The following ADK variants were observed in gnomAD, a reference collection of about 807,000 sequenced individuals.
ADK encodes the protein N6,N6-dimethyladenosine kinase.
A neutral mutation model predicts 44.7 loss-of-function variants in ADK; 24 were observed. That is an observed-to-expected ratio of 0.54 (90% CI 0.39 to 0.76). The LOEUF is 0.76. Among genes scored for constraint, ADK ranks in the 30% least tolerant of loss-of-function variants. The probability of loss-of-function intolerance (pLI) is 0.00; values close to 1 mark genes in which losing one functional copy is unlikely to be tolerated. For synonymous variants in ADK, 128 were observed against 142.6 expected (o/e 0.90, Z 0.73); for missense variants, 321 against 425.1 (o/e 0.76, Z 2.15).
intron 3 of ADK, among the ~76,000 whole-genome samples, chr10:74,251,146 A>T (rs1053327100): frequency 2.6e-5 from 4 of 152,234 alleles, no homozygotes; most frequent in Non-Finnish European, 5.9e-5. Flanking sequence ...AAATGCTGGT[A>T]CTATTAACTT....
chr10:74,678,476 C>T (rs1297761217), intron 10 of ADK, among the ~76,000 whole-genome samples: 1 of 152,162 alleles, frequency 6.6e-6, no homozygotes, highest in African/African-American at 2.4e-5. Flanking sequence ...TTCTCATCAA[C>T]GCAAATGTTC....
intron 9 of ADK, among the ~76,000 whole-genome samples, chr10:74,602,565 T>TTCTTTATTAAA (rs1852180509): frequency 6.6e-6 from 1 of 152,218 alleles, no homozygotes; most frequent in African/African-American, 2.4e-5. Context: ...ACTCATTTTA[T>TTCTTTATTAAA]TCTTTATTAA....
intron 1 of ADK, among the ~76,000 whole-genome samples, chr10:74,154,992 T>A (rs148174728): frequency 2.3e-3 from 347 of 152,332 alleles, no homozygotes; most frequent in African/African-American, 7.8e-3. Context: ...CCCATATCAT[T>A]ACTCCATCTG....
At chr10:74,591,504 G>C (rs909485212) in intron 8 of ADK, among the ~76,000 whole-genome samples, 5 of 152,118 alleles carry the variant, frequency 3.3e-5, no homozygotes, top group Non-Finnish European at 4.4e-5. Context: ...TTAATCAAAT[G>C]TAATCCATGT....
At chr10:74,315,729 A>C (rs929022391) in intron 4 of ADK, among the ~76,000 whole-genome samples, 17 of 152,238 alleles carry the variant, frequency 1.1e-4, no homozygotes, top group Admixed American at 5.9e-4. Context: ...ATTTCTTTTC[A>C]AGTAACTCTT....
At chr10:74,245,542 G>A (rs988594520) in intron 3 of ADK, among the ~76,000 whole-genome samples, 3 of 150,726 alleles carry the variant, frequency 2.0e-5, no homozygotes, top group Admixed American at 1.3e-4. Context: ...GCCAAGTATT[G>A]ATATTAGTAT....
chr10:74,525,177 G>A, intron 6 of ADK, 79 bp from the exon 7 acceptor site: 1 of 1,357,878 alleles, frequency 7.4e-7, no homozygotes, highest in Non-Finnish European at 1.0e-6. Context: ...TTTGTATTTT[G>A]TATAGGTTTC....
chr10:74,633,417 A>C (rs1853506888), intron 9 of ADK, among the ~76,000 whole-genome samples: 1 of 152,222 alleles, frequency 6.6e-6, no homozygotes, highest in Non-Finnish European at 1.5e-5. Flanking sequence ...ATATAACAGC[A>C]CTATTTGCAA....
intron 10 of ADK, among the ~76,000 whole-genome samples, chr10:74,698,147 C>T (rs962406272): frequency 6.6e-6 from 1 of 152,122 alleles, no homozygotes; most frequent in African/African-American, 2.4e-5. Context: ...AGCTAGAGGA[C>T]CTAAAGTCTA....
Position 74,274,747 on chromosome 10 carries a change from T to TAC in ADK, c.195-39910_195-39909dup, listed in dbSNP as rs139230998. Among the ~76,000 whole-genome samples, 13 of 95,334 alleles carry TAC rather than the reference T, an allele frequency of 1.4e-4. 1 individual carries two copies. The highest frequency in any genetic ancestry group is 1.2e-3 in the South Asian group (4 of 3,350). 62.5% of individuals were successfully genotyped at this position (95,334 alleles called of 152,430 possible). A position where few individuals can be genotyped will look rare whatever the true frequency, so the allele number is the denominator to read the frequency against. ...TTTAATGTGTGTATATATATATATA[T>TAC]ACACACACACATTATATATATATAA... On this transcript the variant is annotated intron_variant, in intron 3 of 10. Coordinates refer to ENST00000539909, the MANE Select transcript of ADK (RefSeq NM_006721.4).
intron 1 of ADK, among the ~76,000 whole-genome samples, chr10:74,159,197 C>A (rs1841829186): frequency 6.6e-6 from 1 of 152,184 alleles, no homozygotes; most frequent in African/African-American, 2.4e-5. Flanking sequence ...TTTCTATTTG[C>A]ATTTTTACTT....
chr10:74,593,182 G>A (rs1320362227), intron 8 of ADK, among the ~76,000 whole-genome samples: 1 of 152,200 alleles, frequency 6.6e-6, no homozygotes, highest in Non-Finnish European at 1.5e-5. Flanking sequence ...GGCCCTGCTG[G>A]CTAAGAGAGT....
chr10:74,380,679 A>T (rs1842953718), intron 4 of ADK, among the ~76,000 whole-genome samples: 1 of 151,890 alleles, frequency 6.6e-6, no homozygotes, highest in South Asian at 2.1e-4. Context: ...AATCGCTTGA[A>T]CCTGGGAGGC....
At chr10:74,504,514 T>C (rs1847979436) in intron 6 of ADK, among the ~76,000 whole-genome samples, 1 of 152,222 alleles carries the variant, frequency 6.6e-6, no homozygotes, top group Non-Finnish European at 1.5e-5. Context: ...GATGAACATG[T>C]ATTTTGTATA....
intron 7 of ADK, among the ~76,000 whole-genome samples, chr10:74,534,992 G>A (rs1426110089): frequency 6.6e-6 from 1 of 152,128 alleles, no homozygotes; most frequent in Non-Finnish European, 1.5e-5. Context: ...ATGAGAATTA[G>A]TTTAATGAGT....
chr10:74,293,665 T>C (rs1427704850), intron 3 of ADK, among the ~76,000 whole-genome samples: 1 of 152,244 alleles, frequency 6.6e-6, no homozygotes, highest in East Asian at 1.9e-4. Context: ...CTGTGATTTA[T>C]ATCTTTTGAT....
chr10:74,273,480 G>A (rs1195055775), intron 3 of ADK, among the ~76,000 whole-genome samples: 1 of 150,622 alleles, frequency 6.6e-6, no homozygotes, highest in Non-Finnish European at 1.5e-5. Context: ...TCTTTGAGAT[G>A]AAGTCTTGCT....
intron 1 of ADK, among the ~76,000 whole-genome samples, chr10:74,174,237 G>C (rs917374930): frequency 6.7e-6 from 1 of 148,958 alleles, no homozygotes; most frequent in African/African-American, 2.5e-5. Context: ...GAACCCCGGG[G>C]ATGGGGGCGG....
Position 74,360,408 on chromosome 10 carries a change from G to T in ADK, c.274-33733G>T, listed in dbSNP as rs140042424. On this transcript the variant is annotated intron_variant, in intron 4 of 10. Transcript: ENST00000539909. ...TCTGTAAATGTCTTAGGTTTATTTG[G>T]TCTAGAGTATAGTTTTTTACTTCAG... Among the ~76,000 whole-genome samples the T allele has an allele frequency of 2.4e-3, 365 of 152,282 alleles. 2 individuals carry two copies. Among genetic ancestry groups the T allele is most frequent in the African/African-American group, 8.4e-3 (347 of 41,556 alleles).
Sources: gnomAD v4.1 joint callset for allele counts (sites outside exome capture counted in the v4.1 genomes callset) on GRCh38, gnomAD v4.1.1 for gene constraint, MANE v1.5 for transcripts, NCBI Gene and HGNC (gene_info 2026-07-23, HGNC 2026-07-21) for gene names.